The following C8orf34 variants were observed in gnomAD, a reference collection of about 807,000 sequenced individuals.
The protein encoded by C8orf34 is chromosome 8 open reading frame 34, also known as uncharacterized protein C8orf34.
A neutral mutation model predicts 68.3 loss-of-function variants in C8orf34; 65 were observed. The ratio of observed to expected loss-of-function variants is 0.95; its 90% CI spans 0.78 to 1.17. C8orf34 has a LOEUF of 1.17. Among genes scored for constraint, C8orf34 ranks in the 50% most tolerant of loss-of-function variants. C8orf34 has a pLI of 0.00. For missense variants in C8orf34, 664 were observed against 655.4 expected (o/e 1.01, Z -0.14); for synonymous variants, 244 against 241.2 (o/e 1.01, Z -0.11).
intron 1 of C8orf34, among the ~76,000 whole-genome samples, chr8:68,361,703 T>C (rs1275413321): frequency 6.6e-6 from 1 of 152,228 alleles, no homozygotes; most frequent in Admixed American, 6.5e-5. Context: ...TCTAACTATA[T>C]TGTTGGCTTT....
intron 7 of C8orf34, among the ~76,000 whole-genome samples, chr8:68,579,292 A>C (rs1011982145): frequency 6.6e-6 from 1 of 152,190 alleles, no homozygotes; most frequent in Admixed American, 6.6e-5. Context: ...AGCAGAATTT[A>C]AAAATTTGCT....
intron 8 of C8orf34, among the ~76,000 whole-genome samples, chr8:68,679,518 A>T (rs1820299608): frequency 6.6e-6 from 1 of 152,142 alleles, no homozygotes; most frequent in Non-Finnish European, 1.5e-5. Context: ...CTATAGATTC[A>T]ATGCAATCTC....
At chr8:68,624,778 T>C (rs1356892670) in intron 7 of C8orf34, among the ~76,000 whole-genome samples, 2 of 152,152 alleles carry the variant, frequency 1.3e-5, no homozygotes, top group Non-Finnish European at 2.9e-5. Context: ...TTTCACTCTG[T>C]CACAAAAAAT....
intron 7 of C8orf34, among the ~76,000 whole-genome samples, chr8:68,611,875 C>T (rs1818034445): frequency 6.6e-6 from 1 of 152,104 alleles, no homozygotes; most frequent in South Asian, 2.1e-4. Flanking sequence ...AGGGAAAACA[C>T]CTACAGTGAA....
intron 3 of C8orf34, among the ~76,000 whole-genome samples, chr8:68,452,191 CATTTTT>C (rs541484516): frequency 2.1e-3 from 323 of 151,380 alleles, no homozygotes; most frequent in African/African-American, 7.0e-3. Context: ...CATATACAAG[CATTTTT>C]ATTACCTTTT....
intron 8 of C8orf34, among the ~76,000 whole-genome samples, chr8:68,677,938 A>G (rs1820243877): frequency 6.6e-6 from 1 of 152,178 alleles, no homozygotes; most frequent in Non-Finnish European, 1.5e-5. Context: ...AAGGATTATT[A>G]GAGGCTACTA....
intron 1 of C8orf34, among the ~76,000 whole-genome samples, chr8:68,361,824 A>G (rs549271510): frequency 5.3e-5 from 8 of 152,338 alleles, no homozygotes; most frequent in Admixed American, 2.6e-4. Flanking sequence ...TGGTCTACAG[A>G]ACTGTGAAAT....
chr8:68,491,231 TA>T (rs2129631846), intron 5 of C8orf34, among the ~76,000 whole-genome samples: 1 of 152,216 alleles, frequency 6.6e-6, no homozygotes, highest in South Asian at 2.1e-4. Flanking sequence ...CAGAGGTTAT[TA>T]TTTTTTAAGC....
chr8:68,412,186 C>T (rs142775993), intron 1 of C8orf34, among the ~76,000 whole-genome samples: 174 of 152,156 alleles, frequency 1.1e-3, no homozygotes, highest in African/African-American at 3.9e-3. Context: ...TTATAGTAGC[C>T]GGAACAGACT....
chr8:68,486,439 C>G (rs1403002873), intron 4 of C8orf34, among the ~76,000 whole-genome samples: 1 of 152,140 alleles, frequency 6.6e-6, no homozygotes, highest in Admixed American at 6.5e-5. Flanking sequence ...TAGTTAGACT[C>G]TCTTTTGATG....
intron 7 of C8orf34, among the ~76,000 whole-genome samples, chr8:68,596,994 A>C (rs1287280591): frequency 6.6e-6 from 1 of 152,180 alleles, no homozygotes; most frequent in Non-Finnish European, 1.5e-5. Flanking sequence ...GTTTCTTTGA[A>C]TCATTAAAGA....
chr8:68,523,641 G>T (rs969824705), intron 6 of C8orf34, among the ~76,000 whole-genome samples: 5 of 152,118 alleles, frequency 3.3e-5, no homozygotes, highest in Non-Finnish European at 7.4e-5. Flanking sequence ...TAAATTTCAG[G>T]AACAGCAGTA....
At chr8:68,714,416 G>T (rs1443744876) in intron 9 of C8orf34, among the ~76,000 whole-genome samples, 1 of 151,992 alleles carries the variant, frequency 6.6e-6, no homozygotes, top group Non-Finnish European at 1.5e-5. Context: ...ACTGGTAAAT[G>T]AATTCAGCAA....
In C8orf34 at chr8:68,635,342, G is replaced by A. The variant is rs186956033; in HGVS notation, c.1106-5034G>A. Among the ~76,000 whole-genome samples, 6 of 152,134 alleles carry A rather than the reference G, an allele frequency of 3.9e-5. No homozygotes were observed. In the East Asian group the frequency reaches 1.2e-3, roughly 30 times the overall value. On this transcript the variant is annotated intron_variant, in intron 7 of 13. Coordinates refer to ENST00000518698, the MANE Select transcript of C8orf34 (RefSeq NM_052958.4). ...TGAACATATCCTCAAAGGTAATGAG[G>A]GGCCAGCATGTCTGGGCTCCCTAGC...
chr8:68,767,079 A>C (rs1823200829), intron 10 of C8orf34, among the ~76,000 whole-genome samples: 1 of 152,176 alleles, frequency 6.6e-6, no homozygotes, highest in Admixed American at 6.5e-5. Context: ...CTGTAATCCC[A>C]GCTACTCGGG....
intron 1 of C8orf34, among the ~76,000 whole-genome samples, chr8:68,366,730 C>T (rs992196271): frequency 1.4e-5 from 2 of 141,678 alleles, no homozygotes; most frequent in Non-Finnish European, 3.1e-5. Flanking sequence ...TTCCTTACAC[C>T]TTATACAAAA....
rs768568587 is a variant in C8orf34 at position 68,416,771 on chromosome 8, C to T, written c.328-22728C>T. On this transcript the variant is annotated intron_variant, in intron 1 of 13. Transcript: ENST00000518698. ...GTCTCAAACTCCTGACTTCACGTGA[C>T]CCGCCCATCTCAGCCTCCCAAAATG... is the stretch of plus-strand genomic sequence containing the variant. Among the ~76,000 whole-genome samples, 5 of 151,958 alleles carry T rather than the reference C, an allele frequency of 3.3e-5. No individual in the cohort carries two copies. The South Asian group carries it at 8.3e-4, about 25-fold the overall frequency.
At chr8:68,570,165 GA>G (rs1816720268) in intron 7 of C8orf34, among the ~76,000 whole-genome samples, 1 of 152,180 alleles carries the variant, frequency 6.6e-6, no homozygotes, top group Non-Finnish European at 1.5e-5. Context: ...AACATGACCT[GA>G]ACATTGAGTT....
chr8:68,795,750 G>T (rs984430136), intron 12 of C8orf34, among the ~76,000 whole-genome samples: 14 of 152,162 alleles, frequency 9.2e-5, no homozygotes, highest in Non-Finnish European at 1.6e-4. Flanking sequence ...CCTAATAGGT[G>T]CACAGCACTA....
Sources: gnomAD v4.1 joint callset for allele counts (sites outside exome capture counted in the v4.1 genomes callset) on GRCh38, gnomAD v4.1.1 for gene constraint, MANE v1.5 for transcripts, NCBI Gene and HGNC (gene_info 2026-07-23, HGNC 2026-07-21) for gene names.